The following PRMT9 variants were observed in gnomAD, a reference collection of about 807,000 sequenced individuals.
PRMT9 encodes protein arginine N-methyltransferase 9.
Under a neutral mutation model 83.2 loss-of-function variants are expected in PRMT9, and 59 were observed. The observed-to-expected ratio is 0.71, with a 90% CI of 0.57 to 0.88. The LOEUF (loss-of-function observed/expected upper bound fraction) is 0.88. Ranked by LOEUF, PRMT9 falls within the 40% of genes least tolerant of loss-of-function variation. PRMT9 has a pLI of 0.00. For missense variants in PRMT9, 947 were observed against 1,021.9 expected, an observed-to-expected ratio of 0.93 and a Z score of 1.00; for synonymous variants, 333 against 353.2, an observed-to-expected ratio of 0.94 and a Z score of 0.64.
intron 4 of PRMT9, among the ~76,000 whole-genome samples, chr4:147,672,612 T>G (rs1000380371): frequency 6.6e-6 from 1 of 152,260 alleles, no homozygotes; most frequent in African/African-American, 2.4e-5. Context: ...GAATCTGAAC[T>G]GCTTGTGTTT....
chr4:147,654,182 C>G lies in PRMT9; in HGVS notation c.1715G>C (p.Ser572Thr), dbSNP rs1734319915. Residue 572 changes from serine to threonine, a missense_variant, in exon 9 of 12, where the codon AGT becomes ACT. Physicochemically the swap from Ser to Thr is moderately conservative, Grantham distance 58. Coordinates refer to ENST00000322396, the MANE Select transcript of PRMT9 (RefSeq NM_138364.4). ...TTCAAGGATGTTCTGTACAGTATTA[C>G]TCTGTCCAGTTCCAGAGCTCATCTC... ...QNEMSSGTGQ[S>T]NTVQNILEPF... is the part of the protein sequence containing the mutation. 2.5e-6 allele frequency: 4 copies of G among 1,614,080 alleles called. No homozygotes were observed. Among genetic ancestry groups the G allele is most frequent in the Non-Finnish European group, 3.4e-6 (4 of 1,180,016 alleles).
At chr4:147,640,556 G>A (rs1733327707) in intron 10 of PRMT9, among the ~76,000 whole-genome samples, 1 of 151,980 alleles carries the variant, frequency 6.6e-6, no homozygotes. Flanking sequence ...CTTCAGCCCA[G>A]AGCTTTCTCT....
chr4:147,661,141 A>G lies in PRMT9; in HGVS notation c.954-103T>C, dbSNP rs1560986394. The G allele has an allele frequency of 2.0e-5, 15 of 760,336 alleles. No individual in the cohort carries two copies. In the East Asian group the frequency reaches 3.6e-4, roughly 18 times the overall value. 47.1% of individuals were successfully genotyped at this position (760,336 alleles called of 1,614,324 possible). Reference sequence around the variant, plus strand: ...AGAAAAAAATACAAAAATGAAATAAAACCTCATGAGCAAAGATTTCTTAAA... The same window carrying G: ...AGAAAAAAATACAAAAATGAAATAAGACCTCATGAGCAAAGATTTCTTAAA... On this transcript the variant is annotated intron_variant, in intron 6 of 11. Transcript: ENST00000322396.
In PRMT9 at chr4:147,654,522, A is replaced by G; in HGVS notation, c.1375T>C (p.Cys459Arg). Reference protein sequence around the residue: ...PGDHVMMEVSCQDCYLRIQSI... With the variant: ...PGDHVMMEVSRQDCYLRIQSI... ...TGGATTCTTAAGTAACAGTCTTGAC[A>G]AGATACTTCCATCATCACATGGTCT... Residue 459 changes from cysteine (C) to arginine (R), a missense_variant, in exon 9 of 12, where the codon TGT becomes CGT. Coordinates refer to ENST00000322396, the MANE Select transcript of PRMT9 (RefSeq NM_138364.4). 2 of 1,613,774 alleles carry G rather than the reference A, an allele frequency of 1.2e-6. No homozygotes were observed. Among genetic ancestry groups the G allele is most frequent in the South Asian group, 1.1e-5 (1 of 91,082 alleles).
intron 5 of PRMT9, among the ~76,000 whole-genome samples, chr4:147,668,913 C>T (rs1735546772): frequency 1.3e-5 from 2 of 151,934 alleles, no homozygotes; most frequent in Admixed American, 1.3e-4. Flanking sequence ...GGTGAAACCC[C>T]ATCTCTACTA....
At chr4:147,652,454 CAAA>C (rs554211414) in intron 9 of PRMT9, among the ~76,000 whole-genome samples, 1 of 142,974 alleles carries the variant, frequency 7.0e-6, no homozygotes, top group African/African-American at 2.5e-5. Context: ...CCATCTCAAA[CAAA>C]AAAAAAAAAT....
rs1733494006 is a variant in PRMT9 at position 147,642,822 on chromosome 4, C to T, written c.2164G>A (p.Gly722Arg). 2.5e-6 allele frequency: 4 copies of T among 1,613,864 alleles called. No individual in the cohort carries two copies. Among genetic ancestry groups the T allele is most frequent in the Non-Finnish European group, 3.4e-6 (4 of 1,179,870 alleles). ...NAVQGTERTL[G>R]LNIAPFINQF... ...TTAATAAAAGGTGCTATATTTAATC[C>T]AAGAGTACGTTCTGTTCCTTGAACA... Residue 722 changes from glycine to arginine, a missense_variant, in exon 10 of 12, where the codon GGA becomes AGA. Transcript: ENST00000322396.
intron 9 of PRMT9, among the ~76,000 whole-genome samples, chr4:147,652,301 A>T (rs1190880462): frequency 6.6e-6 from 1 of 152,192 alleles, no homozygotes; most frequent in Non-Finnish European, 1.5e-5. Flanking sequence ...AAAAAATAAT[A>T]AATAAAACCA....
chr4:147,668,729 TAAAAAACCTA>T (rs1735526771), intron 5 of PRMT9, 84 bp from the exon 6 acceptor site: 1 of 815,436 alleles, frequency 1.2e-6, no homozygotes, highest in Non-Finnish European at 2.0e-6. Flanking sequence ...AAATATAATT[TAAAAAACCTA>T]AAAAGACAAT....
chr4:147,670,340 C>T lies in PRMT9; in HGVS notation c.846+301G>A, dbSNP rs563817147. 1.1e-4 allele frequency among the ~76,000 whole-genome samples: 16 copies of T among 152,192 alleles called. No individual in the cohort carries two copies. The East Asian group carries it at 1.7e-3, about 17-fold the overall frequency. Reference sequence around the variant, plus strand: ...GATTACAGGCATGCGCCACCACACCCGGCTAATTTTGTATTTTTAGTAGAG... The same window carrying T: ...GATTACAGGCATGCGCCACCACACCTGGCTAATTTTGTATTTTTAGTAGAG... On this transcript the variant is annotated intron_variant, in intron 5 of 11. Coordinates refer to ENST00000322396, the MANE Select transcript of PRMT9 (RefSeq NM_138364.4).
chr4:147,645,114 A>C (rs1260642001), intron 9 of PRMT9, among the ~76,000 whole-genome samples: 1 of 152,178 alleles, frequency 6.6e-6, no homozygotes, highest in Non-Finnish European at 1.5e-5. Flanking sequence ...TCATATCTTA[A>C]AAAGTAATTC....
At chr4:147,640,528 T>C (rs1733325337) in intron 10 of PRMT9, among the ~76,000 whole-genome samples, 1 of 152,178 alleles carries the variant, frequency 6.6e-6, no homozygotes, top group African/African-American at 2.4e-5. Context: ...TACATGCTGC[T>C]AACTGCCAAA....
intron 6 of PRMT9, among the ~76,000 whole-genome samples, chr4:147,663,009 A>T (rs929043756): frequency 2.1e-4 from 29 of 141,126 alleles, no homozygotes; most frequent in African/African-American, 6.8e-4. Flanking sequence ...ACTACTAATA[A>T]TTTTTTTTTT....
At chr4:147,646,407 G>GC (rs1324988810) in intron 9 of PRMT9, among the ~76,000 whole-genome samples, 1 of 152,148 alleles carries the variant, frequency 6.6e-6, no homozygotes, top group Non-Finnish European at 1.5e-5. Context: ...AGCTAAAAAA[G>GC]CACACAGGTT....
chr4:147,646,941 C>T (rs1304238355), intron 9 of PRMT9, among the ~76,000 whole-genome samples: 1 of 152,110 alleles, frequency 6.6e-6, no homozygotes, highest in South Asian at 2.1e-4. Context: ...CACAAACTGA[C>T]GGACCCAGGC....
rs1268287111 is a variant in PRMT9, at chr4:147,660,771, ACTGT to A, written c.1146+71_1146+74del. 2.2e-5 allele frequency: 20 copies of A among 901,062 alleles called. No individual in the cohort carries two copies. The East Asian group carries it at 2.7e-4, about 12-fold the overall frequency. The allele number at this position is 901,062 out of a possible 1,614,324, so 55.8% of individuals were successfully genotyped here. On this transcript the variant is annotated intron_variant, in intron 7 of 11. Transcript: ENST00000322396. Reference sequence around the variant, plus strand: ...CTTCATGCAAACTCATAAAATAAAGACTGTCTGTCCTATATATTATTTTAAACAA... The same window carrying A: ...CTTCATGCAAACTCATAAAATAAAGACTGTCCTATATATTATTTTAAACAA...
In PRMT9 at chr4:147,683,818, T is replaced by G; in HGVS notation, c.170A>C (p.Glu57Ala). Residue 57 changes from glutamate (E) to alanine (A), a missense_variant, in exon 1 of 12, where the codon GAG becomes GCG. By Grantham distance (107) the Glu-to-Ala change is moderately radical. Transcript: ENST00000322396. ...CCTCACCTTCACGTCGTGTTTCAGC[T>G]CCGGCGCCAGGCTGAGCACGAGGAG... is the stretch of plus-strand genomic sequence containing the variant. Reference protein sequence around the residue: ...HYLLVLSLAPELKHDVKETFQ... With the variant: ...HYLLVLSLAPALKHDVKETFQ... 3 of 1,579,260 alleles carry G rather than the reference T, an allele frequency of 1.9e-6. No individual in the cohort carries two copies. Among genetic ancestry groups the G allele is most frequent in the Non-Finnish European group, 2.6e-6 (3 of 1,159,650 alleles).
chr4:147,657,686 CCTTT>C (rs1179575368), intron 8 of PRMT9, 102 bp downstream of exon 8: 1 of 818,620 alleles, frequency 1.2e-6, no homozygotes, highest in South Asian at 1.5e-5. Context: ...TAACCAACCT[CCTTT>C]GACTGAAACC....
At chr4:147,651,127 T>C (rs1047919032) in intron 9 of PRMT9, among the ~76,000 whole-genome samples, 1 of 151,440 alleles carries the variant, frequency 6.6e-6, no homozygotes, top group African/African-American at 2.4e-5. Flanking sequence ...CAAGAGACCA[T>C]ATAAATAAAC....
Sources: gnomAD v4.1 joint callset for allele counts (sites outside exome capture counted in the v4.1 genomes callset) on GRCh38, gnomAD v4.1.1 for gene constraint, MANE v1.5 for transcripts, NCBI Gene and HGNC (gene_info 2026-07-23, HGNC 2026-07-21) for gene names.